Variants in SYNE1 observed in about 807,000 individuals in gnomAD.
SYNE1 encodes nesprin-1.
Under a neutral mutation model 1,111.0 loss-of-function variants are expected in SYNE1, and 616 were observed. The ratio of observed to expected loss-of-function variants is 0.55; its 90% confidence interval spans 0.52 to 0.59. SYNE1 has a LOEUF of 0.59. SYNE1 is among the 20% of genes least tolerant of loss of function. The pLI, the probability that SYNE1 is intolerant of heterozygous loss-of-function variation, is 0.00. For synonymous variants in SYNE1, 3,855 were observed against 3,825.8 expected, an observed-to-expected ratio of 1.01 and a Z score of -0.28; for missense variants, 10,006 against 10,417.0, an observed-to-expected ratio of 0.96 and a Z score of 1.72.
Position 152,398,695 on chromosome 6 carries a change from G to A in SYNE1, c.7274C>T (p.Ala2425Val), listed in dbSNP as rs1193489546. Residue 2425 changes from alanine (A) to valine (V), a missense_variant, in exon 49 of 146, where the codon GCA becomes GTA. Coordinates refer to ENST00000367255, the MANE Select transcript of SYNE1 (RefSeq NM_182961.4). ...MQEFQEWFLG[A>V]KAAAKESSDR... ...TGATGATTCTTTTGCTGCTGCCTTT[G>A]CTCCCAAAAACCATTCTTGGAATTC... 5 of 1,613,680 alleles carry A rather than the reference G, an allele frequency of 3.1e-6. No homozygotes were observed. Among genetic ancestry groups the A allele is most frequent in the Non-Finnish European group, 4.2e-6 (5 of 1,179,880 alleles).
At chr6:152,453,853 T>A (rs1271209628) in intron 24 of SYNE1, 133 bp from the exon 25 acceptor site, 2 of 1,074,044 alleles carry the variant, frequency 1.9e-6, no homozygotes, top group Admixed American at 3.7e-5. Flanking sequence ...AGGCACCCAC[T>A]ATTGTTTTTT....
chr6:152,274,928 C>T (rs992873890), intron 98 of SYNE1, among the ~76,000 whole-genome samples: 1 of 152,106 alleles, frequency 6.6e-6, no homozygotes, highest in Non-Finnish European at 1.5e-5. Context: ...ACACTGTCAC[C>T]CAGGCTGCAG....
At chr6:152,548,786 TGACTTTGTCCTTCCCATCCAG>T (rs778817077) in intron 3 of SYNE1, among the ~76,000 whole-genome samples, 2 of 152,198 alleles carry the variant, frequency 1.3e-5, no homozygotes, top group Non-Finnish European at 2.9e-5. Flanking sequence ...TTTTGTATGG[TGACTTTGTCCTTCCCATCCAG>T]GGGTAGAATC....
intron 47 of SYNE1, 26 bp downstream of exon 47, chr6:152,401,112 G>T (rs1197955707): frequency 6.2e-7 from 1 of 1,602,698 alleles, no homozygotes; most frequent in South Asian, 1.1e-5. Flanking sequence ...TTGAATGGAA[G>T]CACTTAATGA....
At chr6:152,579,148 A>G (rs1439051810) in intron 3 of SYNE1, among the ~76,000 whole-genome samples, 14 of 152,214 alleles carry the variant, frequency 9.2e-5, no homozygotes, top group Non-Finnish European at 1.0e-4. Context: ...CTGGTCTTAC[A>G]TGCTCTTCCA....
Position 152,234,661 on chromosome 6 carries a change from G to T in SYNE1, c.20529+7C>A, listed in dbSNP as rs778900335. Reference sequence around the variant, plus strand: ...CTGAATCAAATGCTTTAGATTCTTAGACTTACCAGGAAAGCATTTAGATGA... The same window carrying T: ...CTGAATCAAATGCTTTAGATTCTTATACTTACCAGGAAAGCATTTAGATGA... On this transcript the variant is annotated splice_region_variant and intron_variant, in intron 111 of 145. Transcript: ENST00000367255. 1 of 1,614,144 alleles carries T rather than the reference G, an allele frequency of 6.2e-7. No individual in the cohort carries two copies. The highest frequency in any genetic ancestry group is 8.5e-7 in the Non-Finnish European group (1 of 1,180,028).
intron 115 of SYNE1, among the ~76,000 whole-genome samples, chr6:152,229,299 C>A (rs974041759): frequency 1.3e-5 from 2 of 152,124 alleles, no homozygotes; most frequent in Non-Finnish European, 1.5e-5. Context: ...GAATTATTTT[C>A]AAAAATCTTA....
intron 100 of SYNE1, among the ~76,000 whole-genome samples, chr6:152,262,855 G>A (rs1364380224): frequency 1.3e-5 from 2 of 148,656 alleles, no homozygotes; most frequent in African/African-American, 2.6e-5. Flanking sequence ...AGGACCCTGA[G>A]GAGGAATAAT....
At chr6:152,279,647 G>T (rs111969095) in intron 97 of SYNE1, among the ~76,000 whole-genome samples, 4,680 of 149,852 alleles carry the variant, frequency 0.031, 269 homozygotes, top group African/African-American at 0.11. Flanking sequence ...AACCCAGGAA[G>T]TCAAGGCTGC....
rs1234714237 is a variant in SYNE1, at chr6:152,339,913, GT to G, written c.12226-548del. Among the ~76,000 whole-genome samples the G allele has an allele frequency of 3.9e-5, 6 of 152,198 alleles. No homozygotes were observed. In the East Asian group the frequency reaches 1.2e-3, roughly 29 times the overall value. On this transcript the variant is annotated intron_variant, in intron 74 of 145. Transcript: ENST00000367255. ...TCTATTTATAGAAACAAAGAAATGT[GT>G]TTCTTTGCAGATGCGCAGATTCTAC...
At position 152,164,138 on chromosome 6, in the gene SYNE1, A is replaced by T. The variant is rs199666905; in HGVS notation, c.23790+25T>A. The T allele has an allele frequency of 8.1e-5, 131 of 1,613,834 alleles. No individual in the cohort carries two copies. The African/African-American group carries it at 1.2e-3, about 14-fold the overall frequency. On this transcript the variant is annotated intron_variant, in intron 131 of 145. Transcript: ENST00000367255. ...AGGACAGATATTCCATGGCTTATTA[A>T]TTCCATTTCCATTTTAAGTCTTACC...
chr6:152,481,298 G>A, intron 14 of SYNE1: 1 of 255,366 alleles, frequency 3.9e-6, no homozygotes, highest in Non-Finnish European at 7.8e-6. Flanking sequence ...CTCACCTGTT[G>A]CCCTGGAGCT....
chr6:152,556,045 A>G (rs2099364046), intron 3 of SYNE1, among the ~76,000 whole-genome samples: 1 of 152,190 alleles, frequency 6.6e-6, no homozygotes, highest in African/African-American at 2.4e-5. Flanking sequence ...AAAAGAGGTA[A>G]AATTCTGAGG....
chr6:152,611,216 T>A (rs1402624304), intron 3 of SYNE1, among the ~76,000 whole-genome samples: 1 of 151,816 alleles, frequency 6.6e-6, no homozygotes, highest in East Asian at 1.9e-4. Flanking sequence ...GTATAAAGAG[T>A]CAAGACCCAT....
chr6:152,372,987 C>T lies in SYNE1; in HGVS notation c.9507+50G>A, dbSNP rs1008561777. ...GAAACTGTGATTTCACTAACAACAA[C>T]AACAATAACAAATAACACAGAATGC... is the stretch of plus-strand genomic sequence containing the variant. On this transcript the variant is annotated intron_variant, in intron 59 of 145. Coordinates refer to ENST00000367255, the MANE Select transcript of SYNE1 (RefSeq NM_182961.4). 5.0e-6 allele frequency: 8 copies of T among 1,595,828 alleles called. No homozygotes were observed. The East Asian group carries it at 1.8e-4, about 36-fold the overall frequency.
At position 152,350,345 on chromosome 6, in the gene SYNE1, C is replaced by A; in HGVS notation, c.11734-10G>T. ...GACTGAAGACATGCTCCTGCAAAAC[C>A]AGGTGTCCATCAGAGATGACTTTCA... On this transcript the variant is annotated splice_polypyrimidine_tract_variant and intron_variant, in intron 71 of 145. Transcript: ENST00000367255. 1 of 1,614,110 alleles carries A rather than the reference C, an allele frequency of 6.2e-7. No homozygotes were observed. The highest frequency in any genetic ancestry group is 8.5e-7 in the Non-Finnish European group (1 of 1,180,032).
At chr6:152,139,386 C>G (rs1420977509) in intron 140 of SYNE1, among the ~76,000 whole-genome samples, 1 of 151,702 alleles carries the variant, frequency 6.6e-6, no homozygotes, top group Non-Finnish European at 1.5e-5. Flanking sequence ...GCCTGGGCAA[C>G]ACGGCAAAAC....
rs1388647171 is a variant in SYNE1 at position 152,133,389 on chromosome 6, C to A, written c.25888G>T (p.Glu8630Ter). 2 of 1,614,056 alleles carry A rather than the reference C, an allele frequency of 1.2e-6. No homozygotes were observed. The highest frequency in any genetic ancestry group is 1.7e-6 in the Non-Finnish European group (2 of 1,180,048). Reference sequence around the variant, plus strand: ...ATAACATGGACTTTTTCTTTGGCTTCTAAACAGTCTGTTCCTTCAGCATTC... The same window carrying A: ...ATAACATGGACTTTTTCTTTGGCTTATAAACAGTCTGTTCCTTCAGCATTC... ...LVNAEGTDCL[E>*]AKEKVHVIGN... The change falls in exon 143 of 146, where the codon GAA becomes TAA. Residue 8630 changes from glutamate to a stop codon, truncating the protein, a stop_gained. Coordinates refer to ENST00000367255, the MANE Select transcript of SYNE1 (RefSeq NM_182961.4). LOFTEE classifies it high-confidence loss of function.
chr6:152,322,060 T>G (rs543734380), intron 82 of SYNE1, among the ~76,000 whole-genome samples, 174 bp from the exon 83 acceptor site: 1 of 152,364 alleles, frequency 6.6e-6, no homozygotes, highest in Non-Finnish European at 1.5e-5. Context: ...AAATGTCATA[T>G]AAAGTAAATA....
Sources: gnomAD v4.1 joint callset for allele counts (sites outside exome capture counted in the v4.1 genomes callset) on GRCh38, gnomAD v4.1.1 for gene constraint, MANE v1.5 for transcripts, NCBI Gene and HGNC (gene_info 2026-07-23, HGNC 2026-07-21) for gene names.